CYYR1: variants seen among roughly 807,000 people sequenced by gnomAD.
CYYR1 encodes cysteine and tyrosine-rich protein 1.
Under a neutral mutation model 15.2 loss-of-function variants are expected in CYYR1, and 14 were observed. That is an observed-to-expected ratio of 0.92 (90% CI 0.61 to 1.44). The LOEUF is 1.44. CYYR1 is among the 40% of genes most tolerant of loss of function. The pLI is 0.00. For missense variants in CYYR1, 228 were observed against 209.5 expected (o/e 1.09, Z -0.54); for synonymous variants, 80 against 77.4 (o/e 1.03, Z -0.18).
intron 2 of CYYR1, among the ~76,000 whole-genome samples, chr21:26,529,377 T>G (rs2065902989): frequency 6.6e-6 from 1 of 152,212 alleles, no homozygotes. Flanking sequence ...GAGTCACATA[T>G]TAATATACAT....
chr21:26,512,721 A>G (rs2065666641), intron 2 of CYYR1, among the ~76,000 whole-genome samples: 1 of 152,200 alleles, frequency 6.6e-6, no homozygotes, highest in African/African-American at 2.4e-5. Context: ...CATTGTCTAT[A>G]ACTTTTTCTG....
At chr21:26,504,373 C>A (rs570858320) in intron 2 of CYYR1, among the ~76,000 whole-genome samples, 1 of 152,048 alleles carries the variant, frequency 6.6e-6, no homozygotes, top group East Asian at 1.9e-4. Context: ...CGGGTTCAAG[C>A]GATTCTCCTG....
chr21:26,550,162 A>T (rs972915400), intron 2 of CYYR1, among the ~76,000 whole-genome samples: 2 of 152,100 alleles, frequency 1.3e-5, no homozygotes, highest in African/African-American at 4.8e-5. Context: ...CTGTTATGGT[A>T]ATTGTGATCA....
At chr21:26,505,360 A>C (rs1381110598) in intron 2 of CYYR1, among the ~76,000 whole-genome samples, 1 of 152,206 alleles carries the variant, frequency 6.6e-6, no homozygotes, top group Middle Eastern at 3.2e-3. Flanking sequence ...CTTCTATAAG[A>C]GCATTTGGAG....
intron 2 of CYYR1, among the ~76,000 whole-genome samples, chr21:26,544,561 GA>G (rs1180909840): frequency 2.5e-4 from 38 of 152,232 alleles, no homozygotes; most frequent in Admixed American, 1.1e-3. Context: ...TTGACTTACA[GA>G]ACTAAATTTC....
chr21:26,510,871 ATAAC>A (rs2123512837), intron 2 of CYYR1, among the ~76,000 whole-genome samples: 1 of 152,332 alleles, frequency 6.6e-6, no homozygotes, highest in South Asian at 2.1e-4. Flanking sequence ...AGTATTATAA[ATAAC>A]AAATCTAAAC....
intron 2 of CYYR1, among the ~76,000 whole-genome samples, chr21:26,556,840 GA>G (rs1475440099): frequency 1.3e-5 from 2 of 152,226 alleles, no homozygotes; most frequent in African/African-American, 2.4e-5. Context: ...CTATCAAATA[GA>G]GAAGGGATAA....
At chr21:26,517,094 G>C (rs1277900962) in intron 2 of CYYR1, among the ~76,000 whole-genome samples, 1 of 114,272 alleles carries the variant, frequency 8.8e-6, no homozygotes, top group Non-Finnish European at 1.6e-5. Context: ...CAGCCTGGGC[G>C]ACAGAGCGAG....
At chr21:26,527,701 A>T (rs1390817367) in intron 2 of CYYR1, among the ~76,000 whole-genome samples, 2 of 152,156 alleles carry the variant, frequency 1.3e-5, no homozygotes, top group Non-Finnish European at 2.9e-5. Flanking sequence ...GAACACTGCT[A>T]TTGTATAAAG....
intron 2 of CYYR1, among the ~76,000 whole-genome samples, chr21:26,512,989 T>C (rs541615316): frequency 5.9e-5 from 9 of 152,322 alleles, no homozygotes; most frequent in African/African-American, 2.2e-4. Flanking sequence ...CCAGATTCTC[T>C]CCAGCTCGCC....
At chr21:26,506,043 C>G (rs539187118) in intron 2 of CYYR1, among the ~76,000 whole-genome samples, 1 of 152,150 alleles carries the variant, frequency 6.6e-6, no homozygotes, top group South Asian at 2.1e-4. Flanking sequence ...GGAACCATGA[C>G]CACACCAACA....
intron 2 of CYYR1, among the ~76,000 whole-genome samples, chr21:26,553,782 C>T (rs1979569754): frequency 1.3e-5 from 2 of 152,112 alleles, no homozygotes; most frequent in Admixed American, 6.6e-5. Context: ...ACCAACCCTC[C>T]CAACTAAATA....
At chr21:26,478,414 C>T (rs1424684619) in intron 3 of CYYR1, among the ~76,000 whole-genome samples, 1 of 151,620 alleles carries the variant, frequency 6.6e-6, no homozygotes. Context: ...GTTCATGGAA[C>T]AGCAAGGGAA....
intron 2 of CYYR1, among the ~76,000 whole-genome samples, chr21:26,515,058 C>A (rs760499198): frequency 6.6e-6 from 1 of 152,172 alleles, no homozygotes; most frequent in Non-Finnish European, 1.5e-5. Context: ...AGTTAAAGAG[C>A]TTTTGTCTCT....
intron 3 of CYYR1, chr21:26,470,653 C>A (rs574064345): frequency 1.1e-4 from 17 of 152,372 alleles, no homozygotes; most frequent in African/African-American, 4.1e-4. Context: ...TACTGTGAGT[C>A]AGTTAAACCT....
chr21:26,483,330 T>C, intron 2 of CYYR1: 2 of 443,748 alleles, frequency 4.5e-6, no homozygotes, highest in Non-Finnish European at 6.0e-6. Flanking sequence ...GTCTGGGTTC[T>C]TTTTTATTGA....
At chr21:26,518,006 A>G (rs1434188059) in intron 2 of CYYR1, among the ~76,000 whole-genome samples, 3 of 152,184 alleles carry the variant, frequency 2.0e-5, no homozygotes, top group Non-Finnish European at 2.9e-5. Context: ...GGCCCACAAT[A>G]ACAACGAACC....
chr21:26,502,444 C>T (rs2065494154), intron 2 of CYYR1, among the ~76,000 whole-genome samples: 1 of 151,882 alleles, frequency 6.6e-6, no homozygotes, highest in South Asian at 2.1e-4. Flanking sequence ...TGGTTAGTTA[C>T]ATTTACAAAA....
intron 2 of CYYR1, among the ~76,000 whole-genome samples, chr21:26,558,780 G>A (rs188402108): frequency 3.3e-5 from 5 of 152,206 alleles, no homozygotes; most frequent in East Asian, 1.9e-4. Flanking sequence ...AGCATTATTC[G>A]TTTTGAGATT....
Sources: gnomAD v4.1 joint callset for allele counts (sites outside exome capture counted in the v4.1 genomes callset) on GRCh38, gnomAD v4.1.1 for gene constraint, MANE v1.5 for transcripts, NCBI Gene and HGNC (gene_info 2026-07-23, HGNC 2026-07-21) for gene names.